Variants in METTL8 observed in about 807,000 individuals in gnomAD.
The protein encoded by METTL8 is tRNA N(3)-cytidine methyltransferase METTL8, mitochondrial.
In METTL8, 32 loss-of-function variants were observed where a neutral mutation model predicts 48.7. The ratio of observed to expected loss-of-function variants is 0.66; its 90% CI spans 0.50 to 0.88. The LOEUF is 0.88. Among genes scored for constraint, METTL8 ranks in the 40% least tolerant of loss-of-function variants. The pLI, the probability that METTL8 is intolerant of heterozygous loss-of-function variation, is 0.00. For missense variants in METTL8, 464 were observed against 474.4 expected (o/e 0.98, Z 0.20); for synonymous variants, 136 against 157.1 (o/e 0.87, Z 1.01).
intron 1 of METTL8, among the ~76,000 whole-genome samples, chr2:171,431,058 G>A (rs66525413): frequency 0.097 from 14,769 of 152,088 alleles, 845 homozygotes; most frequent in African/African-American, 0.15. Flanking sequence ...CCACCCTTGC[G>A]TCCCCTCTTG....
chr2:171,357,047 T>G (rs1684658837), intron 3 of METTL8, among the ~76,000 whole-genome samples: 1 of 149,126 alleles, frequency 6.7e-6, no homozygotes, highest in Non-Finnish European at 1.5e-5. Flanking sequence ...AACCTCTGTG[T>G]CCTGGGTTCA....
At position 171,318,499 on chromosome 2, in the gene METTL8, T is replaced by A. The variant is rs1488703522; in HGVS notation, c.*5673A>T. On this transcript the variant is annotated 3_prime_UTR_variant, in exon 10 of 10. Transcript: ENST00000375258. ...TTTCTTTAAGCGAGGAGTATGCAAG[T>A]GAGAGTGCTCTGCGAGGAGGGATGC... is the stretch of plus-strand genomic sequence containing the variant. The A allele has an allele frequency of 6.6e-6, 1 of 152,188 alleles. No individual in the cohort carries two copies. The highest frequency in any genetic ancestry group is 2.4e-5 in the African/African-American group (1 of 41,426). 9.4% of individuals were successfully genotyped at this position (152,188 alleles called of 1,614,324 possible).
At chr2:171,419,681 A>G (rs57201420) in intron 1 of METTL8, among the ~76,000 whole-genome samples, 2 of 152,088 alleles carry the variant, frequency 1.3e-5, no homozygotes, top group Non-Finnish European at 2.9e-5. Context: ...GTTATTGCAT[A>G]CATTTGTAAT....
chr2:171,340,884 C>T (rs1396939833), intron 3 of METTL8, among the ~76,000 whole-genome samples: 1 of 152,212 alleles, frequency 6.6e-6, no homozygotes, highest in Non-Finnish European at 1.5e-5. Flanking sequence ...TTCCTACTGA[C>T]ATCTCCCAAG....
chr2:171,349,315 T>C (rs904817476), intron 3 of METTL8, among the ~76,000 whole-genome samples: 1 of 152,198 alleles, frequency 6.6e-6, no homozygotes, highest in Admixed American at 6.5e-5. Flanking sequence ...TCCTAAATTT[T>C]CTTAATATTT....
chr2:171,419,025 A>G (rs1691615871), intron 1 of METTL8, among the ~76,000 whole-genome samples: 2 of 151,154 alleles, frequency 1.3e-5, no homozygotes, highest in Admixed American at 6.6e-5. Context: ...CTGTCTCAAA[A>G]AAAAAAAAAA....
rs111674023 is a variant in METTL8 at position 171,337,435 on chromosome 2, A to T, written c.656+18T>A. ...TAAATATGTAAAATTCTGTAGAAAG[A>T]AAACTCTTAAAACTCACTCCAAAGT... On this transcript the variant is annotated intron_variant, in intron 5 of 9. Coordinates refer to ENST00000375258, the MANE Select transcript of METTL8 (RefSeq NM_001321154.2). 169 of 1,566,236 alleles carry T rather than the reference A, an allele frequency of 1.1e-4. No individual in the cohort carries two copies. The African/African-American group carries it at 2.0e-3, about 18-fold the overall frequency.
At chr2:171,374,809 C>G (rs562348078) in intron 2 of METTL8, 1 of 655,064 alleles carries the variant, frequency 1.5e-6, no homozygotes, top group East Asian at 2.7e-5. Flanking sequence ...GAAATTCATC[C>G]ATGTTGTATA....
At chr2:171,418,215 T>C in intron 1 of METTL8, among the ~76,000 whole-genome samples, 1 of 152,176 alleles carries the variant, frequency 6.6e-6, no homozygotes, top group African/African-American at 2.4e-5. Flanking sequence ...AGTGCTGGGA[T>C]TACAGGTGTG....
chr2:171,320,205 T>TC lies in METTL8; in HGVS notation c.*3966_*3967insG. 1.3e-5 allele frequency: 2 copies of TC among 151,356 alleles called. No homozygotes were observed. Among genetic ancestry groups the TC allele is most frequent in the East Asian group, 3.9e-4 (2 of 5,136 alleles). The allele number at this position is 151,356 out of a possible 1,614,324, so 9.4% of individuals were successfully genotyped here. A position where few individuals can be genotyped will look rare whatever the true frequency, so the allele number is the denominator to read the frequency against. On this transcript the variant is annotated 3_prime_UTR_variant, in exon 10 of 10. Transcript: ENST00000375258. ...GAGAAGGAAGTTGTTGTAGGTAGGT[T>TC]AAGAGACAGAAAGACTGACCAGGCA...
At chr2:171,434,589 C>A, upstream of METTL8, 1 of 1,527,904 alleles carries the variant, frequency 6.5e-7, no homozygotes, top group Non-Finnish European at 8.7e-7. Context: ...TGGGCCCGAC[C>A]CGGAAGCCCA....
At chr2:171,392,691 A>T (rs528673977) in intron 1 of METTL8, among the ~76,000 whole-genome samples, 2 of 152,372 alleles carry the variant, frequency 1.3e-5, no homozygotes, top group South Asian at 2.1e-4. Flanking sequence ...AAATCAGTCA[A>T]ATAAATAAAT....
chr2:171,429,596 C>T (rs1692772327), intron 1 of METTL8, among the ~76,000 whole-genome samples: 1 of 151,964 alleles, frequency 6.6e-6, no homozygotes, highest in African/African-American at 2.4e-5. Flanking sequence ...ATAAAAGATA[C>T]AACACACACA....
intron 2 of METTL8, among the ~76,000 whole-genome samples, chr2:171,374,348 C>T (rs1232716697): frequency 6.6e-6 from 1 of 152,148 alleles, no homozygotes; most frequent in African/African-American, 2.4e-5. Context: ...TGAGGTCATA[C>T]TGGAGAAAAT....
intron 2 of METTL8, among the ~76,000 whole-genome samples, chr2:171,379,936 C>T (rs948294647): frequency 3.9e-5 from 6 of 152,102 alleles, no homozygotes; most frequent in African/African-American, 1.2e-4. Context: ...TTGGCAGAAA[C>T]ACAACAACAA....
At chr2:171,430,449 T>C (rs1171058657) in intron 1 of METTL8, among the ~76,000 whole-genome samples, 1 of 151,938 alleles carries the variant, frequency 6.6e-6, no homozygotes, top group African/African-American at 2.4e-5. Flanking sequence ...GACGGGTTGA[T>C]GGGTGCAGCA....
At chr2:171,326,183 T>A (rs1684938094) in intron 7 of METTL8, 35 bp from the exon 8 acceptor site, 1 of 1,161,684 alleles carries the variant, frequency 8.6e-7, no homozygotes, top group Non-Finnish European at 1.2e-6. Context: ...ATACCCAGTT[T>A]GTAGAAATCT....
chr2:171,381,206 C>A (rs556946672), intron 2 of METTL8, among the ~76,000 whole-genome samples: 2 of 152,112 alleles, frequency 1.3e-5, no homozygotes, highest in Non-Finnish European at 2.9e-5. Flanking sequence ...TAGCCATATG[C>A]AGAAAACTGA....
chr2:171,326,720 T>C (rs1016537162), intron 7 of METTL8, among the ~76,000 whole-genome samples: 1 of 152,184 alleles, frequency 6.6e-6, no homozygotes, highest in Non-Finnish European at 1.5e-5. Context: ...TTATTTTTAA[T>C]GACATCTTTG....
Sources: allele counts gnomAD v4.1 joint callset (sites outside exome capture counted in the v4.1 genomes callset), GRCh38; gene constraint gnomAD v4.1.1; transcripts MANE v1.5; gene names NCBI Gene and HGNC (gene_info 2026-07-23, HGNC 2026-07-21).